The following IL4I1 variants were observed in gnomAD, a reference collection of about 807,000 sequenced individuals.
IL4I1 encodes L-amino-acid oxidase.
Under a neutral mutation model 29.7 loss-of-function variants are expected in IL4I1, and 24 were observed. The observed-to-expected ratio is 0.81, with a 90% confidence interval of 0.59 to 1.14. The LOEUF is 1.14. Among genes scored for constraint, IL4I1 ranks in the 50% most tolerant of loss-of-function variants. The pLI is 0.00. For synonymous variants in IL4I1, 371 were observed against 352.5 expected (o/e 1.05, Z -0.59); for missense variants, 686 against 785.6 (o/e 0.87, Z 1.52).
chr19:49,922,052 C>A (rs2075777262), intron 2 of IL4I1, among the ~76,000 whole-genome samples: 1 of 152,226 alleles, frequency 6.6e-6, no homozygotes, highest in Non-Finnish European at 1.5e-5. Flanking sequence ...TCAACACAGA[C>A]AACATGATGT....
chr19:49,919,718 G>C (rs1484550698), intron 2 of IL4I1, among the ~76,000 whole-genome samples: 1 of 152,112 alleles, frequency 6.6e-6, no homozygotes, highest in African/African-American at 2.4e-5. Flanking sequence ...CAGGAAAAAC[G>C]AATCAGCTAA....
chr19:49,927,423 G>C (rs2075926138), intron 2 of IL4I1, among the ~76,000 whole-genome samples: 1 of 152,112 alleles, frequency 6.6e-6, no homozygotes, highest in Admixed American at 6.5e-5. Context: ...GCATGTTTTG[G>C]TAAGGTTTAC....
chr19:49,927,603 G>A (rs1356074325), intron 2 of IL4I1: 2 of 152,204 alleles, frequency 1.3e-5, no homozygotes, highest in African/African-American at 2.4e-5. Flanking sequence ...TGGCAGAGTG[G>A]ACAGTAAGTG....
chr19:49,906,603 T>C (rs1181816075), intron 2 of IL4I1, among the ~76,000 whole-genome samples: 1 of 152,226 alleles, frequency 6.6e-6, no homozygotes, highest in Non-Finnish European at 1.5e-5. Flanking sequence ...CTTCTACCAC[T>C]AGCACCACCC....
At chr19:49,892,850 C>G (rs1473750108) in intron 5 of IL4I1, among the ~76,000 whole-genome samples, 1 of 152,126 alleles carries the variant, frequency 6.6e-6, no homozygotes, top group Non-Finnish European at 1.5e-5. Flanking sequence ...GGCAAGTGGG[C>G]TCTGACCTGG....
intron 2 of IL4I1, 25 bp downstream of exon 2, chr19:49,896,123 C>G: frequency 6.6e-7 from 1 of 1,521,506 alleles, no homozygotes; most frequent in African/African-American, 1.9e-5. Flanking sequence ...TCACTTGTTC[C>G]AGAGCCCCTC....
Position 49,914,726 on chromosome 19 carries a change from GTTTTTTTTTT to G in IL4I1, c.-227-10415_-227-10406del, listed in dbSNP as rs530372497. On this transcript the variant is annotated intron_variant, in intron 2 of 9. Coordinates refer to the IL4I1 transcript ENST00000341114. ...GATTCTTGTGCCACTCCAAGTCCCAGTTTTTTTTTTTTTTTTTTTTTTTTTTTTTTTGAGA... is the reference window on the plus strand; with the variant it reads ...GATTCTTGTGCCACTCCAAGTCCCAGTTTTTTTTTTTTTTTTTTTTTGAGA... 8.0e-3 allele frequency among the ~76,000 whole-genome samples: 453 copies of G among 56,356 alleles called. 3 individuals are homozygous for G. The highest frequency in any genetic ancestry group is 0.023 in the African/African-American group (361 of 15,412). The allele number at this position is 56,356 out of a possible 152,430, so 37.0% of individuals were successfully genotyped here.
At chr19:49,908,654 T>C (rs753146756) in intron 2 of IL4I1, 11 of 1,612,708 alleles carry the variant, frequency 6.8e-6, no homozygotes, top group Non-Finnish European at 8.5e-6. Context: ...CCTCTTCTGG[T>C]CCAGCTTCAC....
At chr19:49,908,277 T>G (rs754639486) in intron 2 of IL4I1, 1 of 1,613,854 alleles carries the variant, frequency 6.2e-7, no homozygotes, top group Non-Finnish European at 8.5e-7. Flanking sequence ...TCCTGCTCCT[T>G]GCGCCGGCCC....
At chr19:49,913,902 C>T (rs1692109124) in intron 2 of IL4I1, among the ~76,000 whole-genome samples, 2 of 152,088 alleles carry the variant, frequency 1.3e-5, no homozygotes, top group Admixed American at 6.6e-5. Context: ...GGGGATGAAC[C>T]GTAGGGGTAG....
intron 3 of IL4I1, chr19:49,901,993 G>A (rs1400256794): frequency 8.5e-6 from 2 of 236,310 alleles, no homozygotes; most frequent in African/African-American, 2.3e-5. Context: ...CAAGTCCCAG[G>A]CACCATATTG....
chr19:49,897,940 G>A (rs539521853), upstream of IL4I1, among the ~76,000 whole-genome samples: 1 of 152,336 alleles, frequency 6.6e-6, no homozygotes. Context: ...TGAGTAACAA[G>A]GCATGTGACG....
At chr19:49,891,878 T>C (rs1457756855) in intron 5 of IL4I1, among the ~76,000 whole-genome samples, 1 of 152,132 alleles carries the variant, frequency 6.6e-6, no homozygotes, top group African/African-American at 2.4e-5. Context: ...CAGTGATTAT[T>C]TGTTGCCTGA....
In IL4I1 at chr19:49,902,538, A is replaced by G. The variant is rs1226255268; in HGVS notation, c.-104-717T>C. 3.3e-5 allele frequency among the ~76,000 whole-genome samples: 5 copies of G among 152,162 alleles called. No individual in the cohort carries two copies. The East Asian group carries it at 7.7e-4, about 24-fold the overall frequency. On this transcript the variant is annotated intron_variant, in intron 3 of 9. Coordinates refer to the IL4I1 transcript ENST00000341114. ...AAACAAAACAAAACAAAACAAAAAA[A>G]CAGTTTAGGCCGGGCATGGTGGCTG...
Position 49,908,161 on chromosome 19 carries a change from A to T in IL4I1, c.-227-3840T>A, listed in dbSNP as rs532206411. ...AACAAACAAACAAGTATCTTGCCAC[A>T]ACCCCAAACTACAGACAACAGGGCG... On this transcript the variant is annotated intron_variant, in intron 2 of 9. Transcript: ENST00000341114. The T allele has an allele frequency of 1.5e-5, 23 of 1,565,836 alleles. No individual in the cohort carries two copies. The Admixed American group carries it at 4.3e-4, about 29-fold the overall frequency.
intron 3 of IL4I1, 71 bp downstream of exon 3, chr19:49,895,744 T>A (rs1376233018): frequency 9.6e-7 from 1 of 1,038,068 alleles, no homozygotes; most frequent in East Asian, 3.5e-5. Flanking sequence ...AACGCGGCCG[T>A]GTCCCTGTGC....
At chr19:49,909,765 C>T (rs1017109689) in intron 2 of IL4I1, 7 of 1,614,026 alleles carry the variant, frequency 4.3e-6, no homozygotes, top group African/African-American at 4.0e-5. Flanking sequence ...AACGTGAACC[C>T]GCCTGTAGGG....
At chr19:49,906,920 T>C (rs975086152) in intron 2 of IL4I1, 3 of 152,420 alleles carry the variant, frequency 2.0e-5, no homozygotes, top group African/African-American at 7.2e-5. Context: ...CAAAAGATGC[T>C]TGGGATACAA....
chr19:49,929,031 G>A (rs2075988923), intron 1 of IL4I1: 1 of 152,350 alleles, frequency 6.6e-6, no homozygotes, highest in Admixed American at 6.5e-5. Context: ...TGAGAGGGAG[G>A]AGGGTCCCGG....
Sources: allele counts gnomAD v4.1 joint callset (sites outside exome capture counted in the v4.1 genomes callset), GRCh38; gene constraint gnomAD v4.1.1; transcripts MANE v1.5; gene names NCBI Gene and HGNC (gene_info 2026-07-23, HGNC 2026-07-21).